The following COL12A1 variants were observed in gnomAD, a reference collection of about 807,000 sequenced individuals.
The protein encoded by COL12A1 is collagen type XII alpha 1 chain, also known as collagen alpha-1(XII) chain.
A neutral mutation model predicts 349.7 loss-of-function variants in COL12A1; 114 were observed. The ratio of observed to expected loss-of-function variants is 0.33; its 90% CI spans 0.28 to 0.38. COL12A1 has a LOEUF of 0.38. COL12A1 is among the 10% of genes least tolerant of loss of function. The pLI is 1.00. For synonymous variants in COL12A1, 1,369 were observed against 1,329.0 expected (o/e 1.03, Z -0.66); for missense variants, 3,284 against 3,756.9 (o/e 0.87, Z 3.29).
At chr6:75,183,681 T>G in intron 9 of COL12A1, 29 bp from the exon 10 acceptor site, 1 of 1,569,172 alleles carries the variant, frequency 6.4e-7, no homozygotes. Context: ...TACATTAAAC[T>G]TCAATACATA....
chr6:75,136,556 CTCGGCAAG>C (rs1468750048), intron 31 of COL12A1, among the ~76,000 whole-genome samples: 3 of 152,124 alleles, frequency 2.0e-5, no homozygotes, highest in Non-Finnish European at 4.4e-5. Flanking sequence ...TTTGCTTGAG[CTCGGCAAG>C]TCAGATGATT....
chr6:75,124,782 T>C (rs1166470258), intron 40 of COL12A1, among the ~76,000 whole-genome samples: 3 of 152,140 alleles, frequency 2.0e-5, no homozygotes, highest in Non-Finnish European at 2.9e-5. Context: ...ATTTAGGTAA[T>C]ATATATCTTG....
At position 75,113,130 on chromosome 6, in the gene COL12A1, G is replaced by T; in HGVS notation, c.7950+74C>A. 3 of 738,270 alleles carry T rather than the reference G, an allele frequency of 4.1e-6. No homozygotes were observed. In the South Asian group the frequency reaches 7.5e-5, roughly 18 times the overall value. The allele number at this position is 738,270 out of a possible 1,614,324, so 45.7% of individuals were successfully genotyped here. ...AGTTATAATTCTGCCAATTTAACAT[G>T]ACATTTTAATAAATAATAAATTTGT... On this transcript the variant is annotated intron_variant, in intron 51 of 65. Transcript: ENST00000322507.
At chr6:75,116,111 T>C (rs867105014) in intron 47 of COL12A1, 54 bp from the exon 48 acceptor site, 7 of 1,531,846 alleles carry the variant, frequency 4.6e-6, no homozygotes, top group African/African-American at 2.7e-5. Context: ...GTACAAATTA[T>C]ATATGCACAG....
Position 75,102,049 on chromosome 6 carries a change from G to A in COL12A1, c.8419C>T (p.Arg2807Cys), listed in dbSNP as rs1420946359. The change falls in exon 57 of 66, where the codon CGC (arginine) becomes TGC (cysteine). Residue 2807 changes from arginine (R) to cysteine (C), a missense_variant. This residue lies in a region of COL12A1 where 683 missense variants were observed against 932.1 expected (regional missense o/e 0.73). Coordinates refer to ENST00000322507, the MANE Select transcript of COL12A1 (RefSeq NM_004370.6). ...CCAGCATCACCTTTCATCCCTTGGC[G>A]ACCCTAGAGTGAGCAATGGGAAAAC... ...NGLSIPGEQG[R>C]QGMKGDAGEP... The A allele has an allele frequency of 1.9e-6, 3 of 1,613,924 alleles. No individual in the cohort carries two copies. Among genetic ancestry groups the A allele is most frequent in the Middle Eastern group, 1.7e-4 (1 of 6,060 alleles).
chr6:75,114,596 G>A (rs1394597597), intron 49 of COL12A1, among the ~76,000 whole-genome samples: 1 of 151,954 alleles, frequency 6.6e-6, no homozygotes, highest in Non-Finnish European at 1.5e-5. Context: ...TAGAAAAGAA[G>A]CTATTCCTCC....
rs552289448 is a variant in COL12A1 at position 75,151,388 on chromosome 6, G to T, written c.4001-101C>A. ...CTTTCTTAATTCATGGCTGCTTTTG[G>T]CCAACTATGAAGGTTTAATAATTAG... On this transcript the variant is annotated intron_variant, in intron 20 of 65. Coordinates refer to ENST00000322507, the MANE Select transcript of COL12A1 (RefSeq NM_004370.6). The T allele has an allele frequency of 9.1e-5, 97 of 1,069,820 alleles. No homozygotes were observed. The African/African-American group carries it at 1.4e-3, about 16-fold the overall frequency. 66.3% of individuals were successfully genotyped at this position (1,069,820 alleles called of 1,614,324 possible).
chr6:75,130,826 G>T, intron 36 of COL12A1, 26 bp downstream of exon 36: 1 of 1,613,714 alleles, frequency 6.2e-7, no homozygotes, highest in South Asian at 1.1e-5. Context: ...CAAGGGAATG[G>T]AATGGAGAAA....
At chr6:75,114,006 A>T (rs1319410117) in intron 49 of COL12A1, among the ~76,000 whole-genome samples, 1 of 151,870 alleles carries the variant, frequency 6.6e-6, no homozygotes, top group African/African-American at 2.4e-5. Context: ...TTCTAATTTG[A>T]TAAAGTCACA....
chr6:75,201,073 T>A (rs1562332357), intron 2 of COL12A1, among the ~76,000 whole-genome samples: 1 of 152,188 alleles, frequency 6.6e-6, no homozygotes, highest in Non-Finnish European at 1.5e-5. Flanking sequence ...CCAGCCAATA[T>A]CTAATTCAGA....
Position 75,147,767 on chromosome 6 carries a change from T to G in COL12A1, c.4325A>C (p.Lys1442Thr). The G allele has an allele frequency of 6.2e-7, 1 of 1,613,534 alleles. No homozygotes were observed. The highest frequency in any genetic ancestry group is 8.5e-7 in the Non-Finnish European group (1 of 1,179,622). ...VSRMETSTVL[K>T]DLKPETEYVV... ...ATATTCAGTTTCAGGTTTCAGATCT[T>G]TCAGCACTGTGCTAGTTTCCATTCG... Residue 1442 changes from lysine (K) to threonine (T), a missense_variant, in exon 23 of 66, where the codon AAA (lysine) becomes ACA (threonine). This residue lies in a region of COL12A1 where 2,601 missense variants were observed against 2,824.8 expected (regional missense o/e 0.92). Transcript: ENST00000322507.
chr6:75,133,674 T>C (rs1766428168), intron 33 of COL12A1, among the ~76,000 whole-genome samples, 184 bp downstream of exon 33: 1 of 152,148 alleles, frequency 6.6e-6, no homozygotes, highest in Non-Finnish European at 1.5e-5. Flanking sequence ...GGAAGAATCC[T>C]GGCCACAATC....
intron 15 of COL12A1, 119 bp downstream of exon 15, chr6:75,156,138 T>G (rs1767749974): frequency 7.9e-7 from 1 of 1,260,736 alleles, no homozygotes; most frequent in African/African-American, 1.5e-5. Context: ...TGTCTAGTAA[T>G]TATAATTTAA....
chr6:75,153,328 A>C (rs1382626062), intron 17 of COL12A1, among the ~76,000 whole-genome samples: 1 of 152,138 alleles, frequency 6.6e-6, no homozygotes, highest in East Asian at 1.9e-4. Flanking sequence ...AATAATCCCA[A>C]CATCCTCAGT....
chr6:75,199,594 T>A (rs588691), intron 2 of COL12A1, among the ~76,000 whole-genome samples: 1 of 152,178 alleles, frequency 6.6e-6, no homozygotes, highest in Admixed American at 6.5e-5. Context: ...TGACCATTAA[T>A]CTTTATATGC....
chr6:75,113,192 TTA>T lies in COL12A1; in HGVS notation c.7950+10_7950+11del, dbSNP rs762026995. ...TTCTAGAAATAAGACTCAAATAATC[TTA>T]TGTTTTTACCTTGTGAAAACTTCCA... On this transcript the variant is annotated intron_variant, in intron 51 of 65. Coordinates refer to ENST00000322507, the MANE Select transcript of COL12A1 (RefSeq NM_004370.6). 22 of 1,404,024 alleles carry T rather than the reference TTA, an allele frequency of 1.6e-5. No individual in the cohort carries two copies. Among genetic ancestry groups the T allele is most frequent in the South Asian group, 1.4e-4 (10 of 70,020 alleles). 87.0% of individuals were successfully genotyped at this position (1,404,024 alleles called of 1,614,324 possible). A position where few individuals can be genotyped will look rare whatever the true frequency, so the allele number is the denominator to read the frequency against.
At chr6:75,142,498 T>C (rs1246322727) in intron 26 of COL12A1, among the ~76,000 whole-genome samples, 2 of 152,238 alleles carry the variant, frequency 1.3e-5, no homozygotes, top group Non-Finnish European at 2.9e-5. Context: ...TTACTTCATT[T>C]GCTATGCACA....
intron 3 of COL12A1, among the ~76,000 whole-genome samples, chr6:75,194,413 G>A (rs1770111984): frequency 6.6e-6 from 1 of 152,144 alleles, no homozygotes; most frequent in South Asian, 2.1e-4. Context: ...TCACAGAATG[G>A]TGTTTCCTGG....
chr6:75,111,656 A>G (rs1422592752), intron 51 of COL12A1, among the ~76,000 whole-genome samples: 2 of 151,856 alleles, frequency 1.3e-5, no homozygotes, highest in Non-Finnish European at 3.0e-5. Flanking sequence ...GACCTTTGCC[A>G]GATTCAACAT....
Sources: allele counts gnomAD v4.1 joint callset (sites outside exome capture counted in the v4.1 genomes callset), GRCh38; gene constraint gnomAD v4.1.1; regional missense constraint gnomAD v4.1.1; transcripts MANE v1.5; gene names NCBI Gene and HGNC (gene_info 2026-07-23, HGNC 2026-07-21).